The following RBMS2 variants were observed in gnomAD, a reference collection of about 807,000 sequenced individuals.
RBMS2 encodes RNA-binding motif, single-stranded-interacting protein 2.
In RBMS2, 38 loss-of-function variants were observed where a neutral mutation model predicts 58.4. The ratio of observed to expected loss-of-function variants is 0.65; its 90% CI spans 0.50 to 0.85. The LOEUF is 0.85. Ranked by LOEUF, RBMS2 falls within the 40% of genes least tolerant of loss-of-function variation. RBMS2 has a pLI of 0.00. For missense variants in RBMS2, 367 were observed against 503.7 expected (o/e 0.73, Z 2.60); for synonymous variants, 151 against 180.7 (o/e 0.84, Z 1.32).
At chr12:56,574,677 T>A (rs1882842649) in intron 5 of RBMS2, among the ~76,000 whole-genome samples, 1 of 152,222 alleles carries the variant, frequency 6.6e-6, no homozygotes, top group Non-Finnish European at 1.5e-5. Flanking sequence ...AAATCTCTTA[T>A]ATGTTTCTAT....
At position 56,590,325 on chromosome 12, in the gene RBMS2, CAGG is replaced by C. The variant is rs1297061501; in HGVS notation, c.*1195_*1197del. The C allele has an allele frequency of 6.6e-6, 1 of 152,202 alleles. No individual in the cohort carries two copies. Among genetic ancestry groups the C allele is most frequent in the African/African-American group, 2.4e-5 (1 of 41,444 alleles). The allele number at this position is 152,202 out of a possible 1,614,324, so 9.4% of individuals were successfully genotyped here. A position where few individuals can be genotyped will look rare whatever the true frequency, so the allele number is the denominator to read the frequency against. The stretch of plus-strand genomic sequence containing the variant: ...AAGATCTGCTGCTTCACTCACAGAC[CAGG>C]AGTTCTCAATCAGAGGTGGTTTTGT... On this transcript the variant is annotated 3_prime_UTR_variant, in exon 14 of 14. Transcript: ENST00000262031.
intron 1 of RBMS2, 149 bp from the exon 2 acceptor site, chr12:56,562,268 G>A: frequency 1.5e-6 from 1 of 686,570 alleles, no homozygotes; most frequent in South Asian, 2.4e-5. Flanking sequence ...AAAATATAGA[G>A]CTAAGGAACA....
Position 56,583,608 on chromosome 12 carries a change from C to T in RBMS2, c.873+1456C>T, listed in dbSNP as rs61939873. On this transcript the variant is annotated intron_variant, in intron 9 of 13. Transcript: ENST00000262031. The stretch of plus-strand genomic sequence containing the variant: ...GGCAGAGGTTGTGGTGAGCCGAGAT[C>T]GCGCCACTACACTCCAGCCTGGGCG... Among the ~76,000 whole-genome samples the T allele has an allele frequency of 2.4e-3, 368 of 151,804 alleles. 1 individual carries two copies. Among genetic ancestry groups the T allele is most frequent in the Non-Finnish European group, 2.8e-3 (190 of 67,988 alleles).
In RBMS2 at chr12:56,593,466, T is replaced by G. The variant is rs1885452318; in HGVS notation, c.*4333T>G. 6.6e-6 allele frequency: 1 copy of G among 152,268 alleles called. No homozygotes were observed. Among genetic ancestry groups the G allele is most frequent in the Non-Finnish European group, 1.5e-5 (1 of 68,074 alleles). The allele number at this position is 152,268 out of a possible 1,614,324, so 9.4% of individuals were successfully genotyped here. ...CCAGCCTCGTCTCGAACTCCTGGGC[T>G]CAAATGATCCACCCACCTCGGCCTC... On this transcript the variant is annotated 3_prime_UTR_variant, in exon 14 of 14. Transcript: ENST00000262031.
intron 2 of RBMS2, among the ~76,000 whole-genome samples, chr12:56,563,470 G>A (rs566546972): frequency 1.3e-5 from 2 of 152,262 alleles, no homozygotes; most frequent in African/African-American, 4.8e-5. Context: ...TAAAGAAGGT[G>A]GAGATAGGAA....
At chr12:56,549,230 A>C (rs1877798625) in intron 1 of RBMS2, among the ~76,000 whole-genome samples, 1 of 151,996 alleles carries the variant, frequency 6.6e-6, no homozygotes, top group African/African-American at 2.4e-5. Flanking sequence ...CCTGACCTCA[A>C]GCGATCCACC....
chr12:56,582,024 T>C, intron 8 of RBMS2, 35 bp from the exon 9 acceptor site: 1 of 1,573,580 alleles, frequency 6.4e-7, no homozygotes, highest in Non-Finnish European at 8.7e-7. Context: ...TGTGGTTTCC[T>C]GTGACTCAGT....
rs1016549486 is a variant in RBMS2 at position 56,589,076 on chromosome 12, C to A, written c.*6+58C>A. 2.5e-6 allele frequency: 4 copies of A among 1,611,988 alleles called. No homozygotes were observed. The African/African-American group carries it at 5.3e-5, about 22-fold the overall frequency. ...TGCACTGGCAGACAGCAGCTCAGCC[C>A]GGCCTGAAGTCAGACAGGTTCTCAT... On this transcript the variant is annotated intron_variant, in intron 13 of 13. Transcript: ENST00000262031.
chr12:56,572,968 C>T lies in RBMS2; in HGVS notation c.542+1113C>T, dbSNP rs760066423. 5.7e-5 allele frequency: 56 copies of T among 981,064 alleles called. 1 individual carries two copies. Among genetic ancestry groups the T allele is most frequent in the Non-Finnish European group, 6.4e-5 (53 of 826,296 alleles). The allele number at this position is 981,064 out of a possible 1,614,324, so 60.8% of individuals were successfully genotyped here. A position where few individuals can be genotyped will look rare whatever the true frequency, so the allele number is the denominator to read the frequency against. On this transcript the variant is annotated intron_variant, in intron 5 of 13. Coordinates refer to ENST00000262031, the MANE Select transcript of RBMS2 (RefSeq NM_002898.4). ...GGGCTTTGGTATCTGCCCTCACTGT[C>T]GTAGGGTATCAGCCTCCCTTAGCCC...
intron 1 of RBMS2, among the ~76,000 whole-genome samples, chr12:56,526,136 G>A (rs1373202302): frequency 6.6e-6 from 1 of 151,396 alleles, no homozygotes; most frequent in African/African-American, 2.4e-5. Flanking sequence ...GTGAAACCCC[G>A]TCAATACTGA....
In RBMS2 at chr12:56,525,284, C is replaced by G. The variant is rs151291006; in HGVS notation, c.66+3195C>G. On this transcript the variant is annotated intron_variant, in intron 1 of 13. Transcript: ENST00000262031. ...TCACCCAGGCTGGAGTCCAGTGGCGCGATCCTGGCTCCCTGCAACCTCAGT... is the reference window on the plus strand; with the variant it reads ...TCACCCAGGCTGGAGTCCAGTGGCGGGATCCTGGCTCCCTGCAACCTCAGT... Among the ~76,000 whole-genome samples the G allele has an allele frequency of 5.1e-3, 780 of 151,994 alleles. 8 individuals are homozygous for G. The highest frequency in any genetic ancestry group is 0.018 in the African/African-American group (732 of 41,432).
At chr12:56,544,401 T>C (rs374691772) in intron 1 of RBMS2, among the ~76,000 whole-genome samples, 2 of 152,190 alleles carry the variant, frequency 1.3e-5, no homozygotes, top group African/African-American at 4.8e-5. Context: ...GAAATATTTG[T>C]TTCTTTCTCT....
At chr12:56,561,618 T>G (rs557118504) in intron 1 of RBMS2, among the ~76,000 whole-genome samples, 26 of 151,654 alleles carry the variant, frequency 1.7e-4, no homozygotes, top group African/African-American at 6.0e-4. Context: ...GCCATTCTTC[T>G]GCCTCAACCT....
chr12:56,522,539 C>G (rs1405055791), intron 1 of RBMS2, among the ~76,000 whole-genome samples: 1 of 152,110 alleles, frequency 6.6e-6, no homozygotes, highest in Non-Finnish European at 1.5e-5. Context: ...TAGCTGAAAT[C>G]ATAGATAGTC....
chr12:56,589,591 C>A lies in RBMS2; in HGVS notation c.*458C>A, dbSNP rs868273449. 2 of 180,600 alleles carry A rather than the reference C, an allele frequency of 1.1e-5. No individual in the cohort carries two copies. Among genetic ancestry groups the A allele is most frequent in the Non-Finnish European group, 2.3e-5 (2 of 85,494 alleles). The allele number at this position is 180,600 out of a possible 1,614,324, so 11.2% of individuals were successfully genotyped here. Reference sequence around the variant, plus strand: ...ACAGAAAGGTGTGGTGCTGGAACATCGATGAAGGAGCCCTACTTACTGAGC... The same window carrying A: ...ACAGAAAGGTGTGGTGCTGGAACATAGATGAAGGAGCCCTACTTACTGAGC... On this transcript the variant is annotated 3_prime_UTR_variant, in exon 14 of 14. Coordinates refer to ENST00000262031, the MANE Select transcript of RBMS2 (RefSeq NM_002898.4).
intron 1 of RBMS2, among the ~76,000 whole-genome samples, chr12:56,541,100 C>CAAAAAAA (rs376084138): frequency 8.0e-6 from 1 of 125,120 alleles, no homozygotes; most frequent in Admixed American, 8.5e-5. Context: ...GACCTTGACT[C>CAAAAAAA]AAAAAAAAAA....
intron 1 of RBMS2, among the ~76,000 whole-genome samples, chr12:56,543,864 C>T (rs1410027951): frequency 6.7e-6 from 1 of 149,686 alleles, no homozygotes; most frequent in Non-Finnish European, 1.5e-5. Flanking sequence ...GATGGGGTTT[C>T]ACTATGTTGG....
chr12:56,546,398 ATATAT>A (rs1162127244), intron 1 of RBMS2, among the ~76,000 whole-genome samples: 1 of 146,674 alleles, frequency 6.8e-6, no homozygotes, highest in Non-Finnish European at 1.5e-5. Context: ...ATAATGTATA[ATATAT>A]TGTACATTAT....
chr12:56,536,882 T>C (rs1196479849), intron 1 of RBMS2, among the ~76,000 whole-genome samples: 1 of 151,842 alleles, frequency 6.6e-6, no homozygotes, highest in African/African-American at 2.4e-5. Context: ...TTATTTTTAA[T>C]TGTGACAAAT....
Sources: allele counts gnomAD v4.1 joint callset (sites outside exome capture counted in the v4.1 genomes callset), GRCh38; gene constraint gnomAD v4.1.1; transcripts MANE v1.5; gene names NCBI Gene and HGNC (gene_info 2026-07-23, HGNC 2026-07-21).